ADAMTSL3: variants seen among roughly 807,000 people sequenced by gnomAD.
The protein encoded by ADAMTSL3 is ADAMTS-like protein 3.
A neutral mutation model predicts 201.7 loss-of-function variants in ADAMTSL3; 128 were observed. That is an observed-to-expected ratio of 0.63 (90% CI 0.55 to 0.73). The LOEUF is 0.73. ADAMTSL3 is among the 30% of genes least tolerant of loss of function. ADAMTSL3 has a pLI of 0.00. For missense variants in ADAMTSL3, 1,990 were observed against 2,119.6 expected (o/e 0.94, Z 1.20); for synonymous variants, 738 against 748.4 (o/e 0.99, Z 0.23).
chr15:83,702,268 C>T (rs1402555945), intron 2 of ADAMTSL3, among the ~76,000 whole-genome samples: 3 of 152,168 alleles, frequency 2.0e-5, no homozygotes, highest in Non-Finnish European at 4.4e-5. Flanking sequence ...GGAAACAGAA[C>T]ATAAAAGTTC....
At position 83,812,421 on chromosome 15, in the gene ADAMTSL3, C is replaced by A. The variant is rs143855965; in HGVS notation, c.364-7390C>A. ...TTGAAGGAAGTTGCCTTTAGTGATT[C>A]TAAGATGAGGAGTTCTTTTGAGGGA... On this transcript the variant is annotated intron_variant, in intron 5 of 29. Coordinates refer to ENST00000286744, the MANE Select transcript of ADAMTSL3 (RefSeq NM_207517.3). Among the ~76,000 whole-genome samples the A allele has an allele frequency of 8.5e-5, 13 of 152,254 alleles. No homozygotes were observed. The East Asian group carries it at 2.5e-3, about 29-fold the overall frequency.
At chr15:83,665,318 T>G (rs925058285) in intron 2 of ADAMTSL3, among the ~76,000 whole-genome samples, 3 of 151,978 alleles carry the variant, frequency 2.0e-5, no homozygotes, top group Admixed American at 2.0e-4. Context: ...TTGGTTACAT[T>G]TGAAGGAGTA....
intron 2 of ADAMTSL3, among the ~76,000 whole-genome samples, chr15:83,660,115 T>C (rs1425537070): frequency 6.6e-6 from 1 of 152,122 alleles, no homozygotes; most frequent in East Asian, 1.9e-4. Context: ...ACAGGCATCC[T>C]CTCTCCACCT....
intron 3 of ADAMTSL3, among the ~76,000 whole-genome samples, chr15:83,713,095 A>G (rs974855871): frequency 1.9e-4 from 29 of 151,762 alleles, no homozygotes; most frequent in African/African-American, 5.3e-4. Context: ...GTCATCCCTC[A>G]CCTTCTATGC....
At chr15:83,985,686 G>A (rs1427757041) in intron 21 of ADAMTSL3, among the ~76,000 whole-genome samples, 2 of 151,978 alleles carry the variant, frequency 1.3e-5, no homozygotes, top group Non-Finnish European at 2.9e-5. Context: ...AGGCTGGAGT[G>A]CAGTGGTGGC....
intron 19 of ADAMTSL3, among the ~76,000 whole-genome samples, chr15:83,965,248 A>T (rs1219685030): frequency 2.0e-5 from 3 of 151,606 alleles, no homozygotes; most frequent in Non-Finnish European, 4.4e-5. Flanking sequence ...AAGAGTTAAG[A>T]CCCATAGGTG....
At chr15:83,965,692 G>A (rs4842840) in intron 19 of ADAMTSL3, among the ~76,000 whole-genome samples, 69,538 of 151,848 alleles carry the variant, frequency 0.46, 16,153 homozygotes, top group Middle Eastern at 0.57. Flanking sequence ...CCTAATAGAC[G>A]TCTACAGAAC....
At chr15:83,920,161 G>T (rs553392019) in intron 16 of ADAMTSL3, among the ~76,000 whole-genome samples, 1 of 152,148 alleles carries the variant, frequency 6.6e-6, no homozygotes. Flanking sequence ...AAATGGTAAC[G>T]TGGGAACAAA....
intron 28 of ADAMTSL3, among the ~76,000 whole-genome samples, chr15:84,035,388 C>G (rs915190210): frequency 6.6e-6 from 1 of 152,180 alleles, no homozygotes; most frequent in Non-Finnish European, 1.5e-5. Context: ...CAGTGGAAGG[C>G]TGATCTCTAT....
intron 3 of ADAMTSL3, among the ~76,000 whole-genome samples, chr15:83,746,426 G>T (rs2141656473): frequency 6.6e-6 from 1 of 152,054 alleles, no homozygotes; most frequent in South Asian, 2.1e-4. Flanking sequence ...AGAAAGGAGG[G>T]TGTGGATATT....
At chr15:83,712,554 G>T (rs1270403973) in intron 3 of ADAMTSL3, among the ~76,000 whole-genome samples, 1 of 152,152 alleles carries the variant, frequency 6.6e-6, no homozygotes, top group Non-Finnish European at 1.5e-5. Context: ...ACTGATCAGA[G>T]CATTCACCAA....
In ADAMTSL3 at chr15:83,913,234, C is replaced by A. The variant is rs1272498074; in HGVS notation, c.1843C>A (p.Pro615Thr). ...PEEECEGPKL[P>T]TERPCLLEAC... ...GGAAGAGTGTGAAGGCCCCAAGCTGCCCACCGAACGGCCCTGCCTCCTGGA... is the reference window on the plus strand; with the variant it reads ...GGAAGAGTGTGAAGGCCCCAAGCTGACCACCGAACGGCCCTGCCTCCTGGA... The change falls in exon 16 of 30, where the codon CCC becomes ACC. Residue 615 changes from proline to threonine, a missense_variant. By Grantham distance (38) the Pro-to-Thr change is conservative. Transcript: ENST00000286744. 5 of 1,614,042 alleles carry A rather than the reference C, an allele frequency of 3.1e-6. No homozygotes were observed. Among genetic ancestry groups the A allele is most frequent in the Non-Finnish European group, 4.2e-6 (5 of 1,180,016 alleles).
At chr15:83,976,108 G>A (rs930662184) in intron 20 of ADAMTSL3, among the ~76,000 whole-genome samples, 2 of 152,186 alleles carry the variant, frequency 1.3e-5, no homozygotes, top group African/African-American at 2.4e-5. Flanking sequence ...GGACAGAGAC[G>A]GTGGTGGGTT....
At chr15:83,733,012 AAC>A (rs2062306871) in intron 3 of ADAMTSL3, among the ~76,000 whole-genome samples, 1 of 152,164 alleles carries the variant, frequency 6.6e-6, no homozygotes, top group Non-Finnish European at 1.5e-5. Flanking sequence ...GTATTGGGGA[AAC>A]ACACTTGTAA....
intron 6 of ADAMTSL3, among the ~76,000 whole-genome samples, chr15:83,826,482 G>A (rs908850042): frequency 8.0e-5 from 12 of 149,512 alleles, no homozygotes; most frequent in Admixed American, 4.0e-4. Context: ...TTATAGCACA[G>A]GTACAATTTT....
rs1175380880 is a variant in ADAMTSL3 at position 83,923,847 on chromosome 15, T to C, written c.1988-57T>C. The C allele has an allele frequency of 1.5e-5, 24 of 1,598,620 alleles. No individual in the cohort carries two copies. In the South Asian group the frequency reaches 2.0e-4, roughly 13 times the overall value. ...AGAAGACCTAAGACTCTATTTTCTT[T>C]TTTCCACAATAAATTATTCCATGTC... On this transcript the variant is annotated intron_variant, in intron 16 of 29. Transcript: ENST00000286744.
At chr15:83,829,395 C>T (rs965281330) in intron 6 of ADAMTSL3, among the ~76,000 whole-genome samples, 16 of 152,018 alleles carry the variant, frequency 1.1e-4, no homozygotes, top group East Asian at 7.7e-4. Context: ...TTTTTTATTG[C>T]GCCTATTTGA....
intron 17 of ADAMTSL3, among the ~76,000 whole-genome samples, chr15:83,929,680 C>CCACACA (rs147998074): frequency 0.15 from 22,676 of 147,418 alleles, 2,104 homozygotes; most frequent in Admixed American, 0.24. Flanking sequence ...GTCACCTCTA[C>CCACACA]CACACACACA....
chr15:83,809,446 TGCAAAC>T (rs1278439005), intron 5 of ADAMTSL3, among the ~76,000 whole-genome samples: 1 of 152,202 alleles, frequency 6.6e-6, no homozygotes, highest in Non-Finnish European at 1.5e-5. Flanking sequence ...GCATCCTGTC[TGCAAAC>T]ATTCAGCCCA....
Sources: allele counts gnomAD v4.1 joint callset (sites outside exome capture counted in the v4.1 genomes callset), GRCh38; gene constraint gnomAD v4.1.1; transcripts MANE v1.5; gene names NCBI Gene and HGNC (gene_info 2026-07-23, HGNC 2026-07-21).